Variants in CNTNAP2 observed in about 807,000 individuals in gnomAD.
CNTNAP2 encodes the protein contactin-associated protein-like 2.
A neutral mutation model predicts 155.2 loss-of-function variants in CNTNAP2; 98 were observed. The observed-to-expected ratio is 0.63, with a 90% CI of 0.54 to 0.75. The LOEUF is 0.75. CNTNAP2 is among the 30% of genes least tolerant of loss of function. The pLI is 0.00. For missense variants in CNTNAP2, 1,727 were observed against 1,688.1 expected (o/e 1.02, Z -0.40); for synonymous variants, 651 against 631.2 (o/e 1.03, Z -0.47).
At chr7:147,136,084 T>C (rs1801471992) in intron 8 of CNTNAP2, among the ~76,000 whole-genome samples, 1 of 151,836 alleles carries the variant, frequency 6.6e-6, no homozygotes, top group South Asian at 2.1e-4. Flanking sequence ...CTCAATTTTA[T>C]GCCACTAAAT....
intron 8 of CNTNAP2, among the ~76,000 whole-genome samples, chr7:147,149,005 C>A (rs1436725632): frequency 6.6e-6 from 1 of 152,204 alleles, no homozygotes; most frequent in Non-Finnish European, 1.5e-5. Flanking sequence ...AACACATCTT[C>A]CACAGCATGG....
At chr7:147,064,644 G>A (rs1269905705) in intron 4 of CNTNAP2, among the ~76,000 whole-genome samples, 4 of 152,072 alleles carry the variant, frequency 2.6e-5, no homozygotes. Flanking sequence ...GTATTTTTCT[G>A]TAAGTAGTTG....
intron 11 of CNTNAP2, among the ~76,000 whole-genome samples, chr7:147,518,785 C>T (rs1488234418): frequency 2.0e-5 from 3 of 152,118 alleles, no homozygotes; most frequent in African/African-American, 7.2e-5. Flanking sequence ...AATCCCAGCA[C>T]TTTGGGAGGG....
intron 18 of CNTNAP2, among the ~76,000 whole-genome samples, chr7:148,194,190 G>T (rs1795239959): frequency 6.6e-6 from 1 of 150,904 alleles, no homozygotes; most frequent in Non-Finnish European, 1.5e-5. Flanking sequence ...TAGAGACGGG[G>T]TTTCACCATA....
At chr7:146,732,759 T>C (rs1284148360) in intron 1 of CNTNAP2, among the ~76,000 whole-genome samples, 1 of 152,126 alleles carries the variant, frequency 6.6e-6, no homozygotes, top group Non-Finnish European at 1.5e-5. Context: ...TTAAATGGCA[T>C]AGTATTTTCT....
chr7:148,080,068 C>T (rs567316184), intron 15 of CNTNAP2, among the ~76,000 whole-genome samples: 54 of 152,346 alleles, frequency 3.5e-4, no homozygotes, highest in African/African-American at 1.2e-3. Context: ...TCAGCCATCA[C>T]TGCAAACAGC....
chr7:147,340,012 A>C (rs1234932186), intron 9 of CNTNAP2, among the ~76,000 whole-genome samples: 1 of 152,132 alleles, frequency 6.6e-6, no homozygotes, highest in Non-Finnish European at 1.5e-5. Flanking sequence ...CTAATCTACC[A>C]CATTCACTCT....
intron 4 of CNTNAP2, among the ~76,000 whole-genome samples, chr7:147,068,840 G>A (rs1401208530): frequency 1.3e-5 from 2 of 152,148 alleles, no homozygotes; most frequent in Non-Finnish European, 2.9e-5. Flanking sequence ...CTTAATATTT[G>A]TGTATCCTCC....
chr7:147,213,049 A>G (rs1203612719), intron 8 of CNTNAP2, among the ~76,000 whole-genome samples: 2 of 152,122 alleles, frequency 1.3e-5, no homozygotes, highest in Non-Finnish European at 2.9e-5. Flanking sequence ...ACACTCACAC[A>G]CATGCATGGT....
chr7:147,255,463 C>T (rs1006776530), intron 8 of CNTNAP2, among the ~76,000 whole-genome samples: 5 of 152,144 alleles, frequency 3.3e-5, no homozygotes, highest in African/African-American at 1.2e-4. Flanking sequence ...CTCGAGTGAT[C>T]TGCCCGCCTT....
intron 12 of CNTNAP2, among the ~76,000 whole-genome samples, chr7:147,605,072 T>C (rs2116867113): frequency 9.7e-6 from 1 of 102,764 alleles, no homozygotes; most frequent in Middle Eastern, 4.3e-3. Context: ...TTTGTCCAAG[T>C]TCATAGTGCA....
intron 11 of CNTNAP2, among the ~76,000 whole-genome samples, chr7:147,532,051 C>A (rs528161528): frequency 2.2e-4 from 34 of 152,234 alleles, no homozygotes; most frequent in African/African-American, 7.7e-4. Context: ...TTGTGATCTG[C>A]CCGCCTCGGC....
chr7:147,148,262 C>A (rs1420345706), intron 8 of CNTNAP2, among the ~76,000 whole-genome samples: 1 of 150,186 alleles, frequency 6.7e-6, no homozygotes, highest in African/African-American at 2.4e-5. Flanking sequence ...TAGTGGCGGG[C>A]GCCTGTAGTC....
chr7:147,371,383 T>C (rs532314867), intron 9 of CNTNAP2, among the ~76,000 whole-genome samples: 3 of 152,288 alleles, frequency 2.0e-5, no homozygotes, highest in Admixed American at 6.5e-5. Context: ...TGTACTACTA[T>C]TGACTTTTCT....
chr7:147,126,774 A>G (rs1218501157), intron 6 of CNTNAP2, among the ~76,000 whole-genome samples: 1 of 152,136 alleles, frequency 6.6e-6, no homozygotes, highest in East Asian at 1.9e-4. Flanking sequence ...TGCCTGGCCC[A>G]CCAATGAGAA....
At chr7:146,200,495 C>CAT (rs10631041) in intron 1 of CNTNAP2, among the ~76,000 whole-genome samples, 36,999 of 142,390 alleles carry the variant, frequency 0.26, 4,674 homozygotes, top group Middle Eastern at 0.32. Context: ...TCCGTCTAAA[C>CAT]ATATATATAT....
intron 20 of CNTNAP2, among the ~76,000 whole-genome samples, chr7:148,253,375 A>T (rs1156716198): frequency 6.6e-6 from 1 of 152,214 alleles, no homozygotes; most frequent in African/African-American, 2.4e-5. Context: ...GATGACACTT[A>T]TTCTCCATAT....
chr7:148,136,480 G>A (rs1378308128), intron 16 of CNTNAP2, among the ~76,000 whole-genome samples: 1 of 152,152 alleles, frequency 6.6e-6, no homozygotes, highest in Non-Finnish European at 1.5e-5. Context: ...AAGCTTCTGA[G>A]GCCCTCTCTA....
chr7:147,615,485 C>T (rs966907529), intron 12 of CNTNAP2, among the ~76,000 whole-genome samples: 19 of 151,358 alleles, frequency 1.3e-4, no homozygotes, highest in South Asian at 6.3e-4. Flanking sequence ...TTGTATATTA[C>T]GATAATCAGA....
Sources: allele counts gnomAD v4.1 joint callset (sites outside exome capture counted in the v4.1 genomes callset), GRCh38; gene constraint gnomAD v4.1.1; transcripts MANE v1.5; gene names NCBI Gene and HGNC (gene_info 2026-07-23, HGNC 2026-07-21).